Variants in C12orf50 observed in about 807,000 individuals in gnomAD.
C12orf50 encodes zinc finger CCCH-type containing 11D, also known as uncharacterized protein C12orf50.
A neutral mutation model predicts 61.6 loss-of-function variants in C12orf50; 35 were observed. The observed-to-expected ratio is 0.57, with a 90% CI of 0.43 to 0.75. The LOEUF (loss-of-function observed/expected upper bound fraction) is 0.75, where lower values mean the gene tolerates loss of function less well. Ranked by LOEUF, C12orf50 falls within the 30% of genes least tolerant of loss-of-function variation. The pLI, the probability that C12orf50 is intolerant of heterozygous loss-of-function variation, is 0.00. For missense variants in C12orf50, 475 were observed against 488.5 expected, an observed-to-expected ratio of 0.97 and a Z score of 0.26; for synonymous variants, 178 against 161.5, an observed-to-expected ratio of 1.10 and a Z score of -0.77.
chr12:87,997,319 G>A (rs538061745), intron 4 of C12orf50, among the ~76,000 whole-genome samples: 37 of 152,088 alleles, frequency 2.4e-4, no homozygotes, highest in Admixed American at 1.4e-3. Flanking sequence ...AGATACACTT[G>A]TGCATCAATG....
At chr12:88,012,456 T>C (rs1178098768) in intron 3 of C12orf50, among the ~76,000 whole-genome samples, 1 of 152,212 alleles carries the variant, frequency 6.6e-6, no homozygotes, top group Non-Finnish European at 1.5e-5. Flanking sequence ...AATTGGGCAC[T>C]GTTCTTCTCT....
chr12:88,025,431 G>A (rs2032666341), intron 3 of C12orf50, among the ~76,000 whole-genome samples: 1 of 152,172 alleles, frequency 6.6e-6, no homozygotes, highest in South Asian at 2.1e-4. Flanking sequence ...GGTTTAAGGA[G>A]AGGGAAGGAG....
Position 87,983,254 on chromosome 12 carries a change from T to C in C12orf50, c.1127-59A>G, listed in dbSNP as rs570202615. ...TAACTTTAAAATCATATTCCAAGGGTGTTTCAAAGTTATAAACATCTCAGG... is the reference window on the plus strand; with the variant it reads ...TAACTTTAAAATCATATTCCAAGGGCGTTTCAAAGTTATAAACATCTCAGG... On this transcript the variant is annotated intron_variant, in intron 11 of 12. Coordinates refer to ENST00000298699, the MANE Select transcript of C12orf50 (RefSeq NM_152589.3). 6.0e-5 allele frequency: 69 copies of C among 1,156,652 alleles called. No individual in the cohort carries two copies. In the East Asian group the frequency reaches 1.7e-3, roughly 28 times the overall value. The allele number at this position is 1,156,652 out of a possible 1,614,324, so 71.6% of individuals were successfully genotyped here.
Position 88,003,055 on chromosome 12 carries a change from TA to T in C12orf50, c.134-4866del, listed in dbSNP as rs2031715408. 3.3e-5 allele frequency among the ~76,000 whole-genome samples: 5 copies of T among 152,000 alleles called. No homozygotes were observed. The South Asian group carries it at 1.0e-3, about 31-fold the overall frequency. ...ACATTGTTATAATTATTACTTAAGA[TA>T]ATTGTATGTTTCTTAAAGGAGCTAA... On this transcript the variant is annotated intron_variant, in intron 3 of 12. Transcript: ENST00000298699.
intron 3 of C12orf50, among the ~76,000 whole-genome samples, chr12:88,017,676 T>A (rs553369942): frequency 6.6e-6 from 1 of 152,264 alleles, no homozygotes; most frequent in South Asian, 2.1e-4. Flanking sequence ...GTTGAATGGC[T>A]TTGACCAAAA....
At chr12:87,989,237 G>T in intron 8 of C12orf50, 27 bp downstream of exon 8, 3 of 1,494,050 alleles carry the variant, frequency 2.0e-6, no homozygotes, top group Non-Finnish European at 1.8e-6. Context: ...AATTACAAAT[G>T]AATCAAAATT....
At chr12:87,989,439 G>C (rs1162685645) in intron 7 of C12orf50, 68 bp from the exon 8 acceptor site, 42 of 1,124,004 alleles carry the variant, frequency 3.7e-5, no homozygotes, top group South Asian at 5.3e-5. Flanking sequence ...TTCAATACAG[G>C]AACATTTTCT....
chr12:87,984,570 A>C (rs949248343), intron 11 of C12orf50: 1 of 152,198 alleles, frequency 6.6e-6, no homozygotes, highest in Non-Finnish European at 1.5e-5. Context: ...TCACTGCCCC[A>C]GATAGCCGAA....
rs1312016919 is a variant in C12orf50, at chr12:87,983,126, G to T, written c.1196C>A (p.Ser399Ter). ...RKRIPFSKTY[S>*]KSEKIYPEPR... ...ACCTGGATATATCTTTTCACTTTTTGAATATGTTTTTGAAAAAGGAATTCG... is the reference window on the plus strand; with the variant it reads ...ACCTGGATATATCTTTTCACTTTTTTAATATGTTTTTGAAAAAGGAATTCG... Residue 399 changes from serine (S) to a stop codon, truncating the protein, a stop_gained, in exon 12 of 13, where the codon TCA becomes TAA. Transcript: ENST00000298699. LOFTEE classifies it high-confidence loss of function. 5.0e-6 allele frequency: 8 copies of T among 1,593,462 alleles called. No individual in the cohort carries two copies. Among genetic ancestry groups the T allele is most frequent in the Middle Eastern group, 3.3e-4 (2 of 6,018 alleles).
At chr12:88,015,007 G>A (rs1383273850) in intron 3 of C12orf50, among the ~76,000 whole-genome samples, 2 of 152,016 alleles carry the variant, frequency 1.3e-5, no homozygotes, top group East Asian at 1.9e-4. Flanking sequence ...TTTTTTGCAT[G>A]TTTTGATGCT....
At position 88,029,337 on chromosome 12, in the gene C12orf50, T is replaced by C. The variant is rs2032819420; in HGVS notation, c.-109+3A>G. 5.5e-6 allele frequency: 1 copy of C among 181,418 alleles called. No individual in the cohort carries two copies. The highest frequency in any genetic ancestry group is 1.2e-5 in the Non-Finnish European group (1 of 85,076). The allele number at this position is 181,418 out of a possible 1,614,324, so 11.2% of individuals were successfully genotyped here. On this transcript the variant is annotated splice_donor_region_variant and intron_variant, in intron 1 of 12. Transcript: ENST00000298699. ...TCTTAAAGACATTTAAATTAGAAGA[T>C]ACCTTCTCTAGCTTTGCAGAAACGC...
At chr12:88,029,319 G>T in intron 1 of C12orf50, 21 bp downstream of exon 1, 1 of 185,178 alleles carries the variant, frequency 5.4e-6, no homozygotes, top group Non-Finnish European at 1.1e-5. Flanking sequence ...AATTCTTAAA[G>T]ACATTTAAAT....
At chr12:88,017,647 T>C (rs570983713) in intron 3 of C12orf50, among the ~76,000 whole-genome samples, 24 of 152,334 alleles carry the variant, frequency 1.6e-4, no homozygotes, top group Middle Eastern at 3.4e-3. Flanking sequence ...TGGGAAAGTT[T>C]GGAACCTCCT....
upstream of C12orf50, among the ~76,000 whole-genome samples, chr12:88,029,683 C>T (rs988604027): frequency 1.1e-4 from 17 of 152,064 alleles, no homozygotes; most frequent in African/African-American, 3.1e-4. Flanking sequence ...TCTAAATCTT[C>T]GTTTCTATAG....
chr12:88,014,417 T>G (rs1023497321), intron 3 of C12orf50, among the ~76,000 whole-genome samples: 31 of 152,164 alleles, frequency 2.0e-4, no homozygotes, highest in African/African-American at 7.5e-4. Flanking sequence ...TTCTCCTGCC[T>G]CAGCCTCCTG....
chr12:88,020,480 A>C (rs2032475099), intron 3 of C12orf50, among the ~76,000 whole-genome samples: 1 of 152,200 alleles, frequency 6.6e-6, no homozygotes, highest in African/African-American at 2.4e-5. Flanking sequence ...ATTCAACAAG[A>C]AGACCTTACT....
At chr12:87,994,362 ACACACACACACACACATACATG>A (rs1457261359) in intron 7 of C12orf50, among the ~76,000 whole-genome samples, 1 of 135,336 alleles carries the variant, frequency 7.4e-6, no homozygotes, top group Non-Finnish European at 1.6e-5. Flanking sequence ...CTACACACAG[ACACACACACACACACATACATG>A]CACACACACA....
intron 3 of C12orf50, among the ~76,000 whole-genome samples, chr12:88,025,725 C>T (rs527245071): frequency 1.1e-4 from 17 of 152,024 alleles, no homozygotes; most frequent in East Asian, 1.9e-4. Flanking sequence ...GGTGACAGAG[C>T]GAGACTCCGT....
chr12:88,004,450 G>A (rs1044974865), intron 3 of C12orf50, among the ~76,000 whole-genome samples: 3 of 152,210 alleles, frequency 2.0e-5, no homozygotes, highest in South Asian at 2.1e-4. Flanking sequence ...CTGCTAGTGG[G>A]AATGTAAAAT....
Sources: allele counts gnomAD v4.1 joint callset (sites outside exome capture counted in the v4.1 genomes callset), GRCh38; gene constraint gnomAD v4.1.1; transcripts MANE v1.5; gene names NCBI Gene and HGNC (gene_info 2026-07-23, HGNC 2026-07-21).